Variants in SPIDR observed in about 807,000 individuals in gnomAD.
The protein encoded by SPIDR is DNA repair-scaffolding protein.
SPIDR carries 93 observed loss-of-function variants against 104.6 expected under a neutral mutation model. The ratio of observed to expected loss-of-function variants is 0.89; its 90% CI spans 0.75 to 1.06. The LOEUF (loss-of-function observed/expected upper bound fraction) is 1.06. SPIDR is among the 50% of genes least tolerant of loss of function. The pLI is 0.00. For synonymous variants in SPIDR, 431 were observed against 416.9 expected (o/e 1.03, Z -0.41); for missense variants, 1,154 against 1,111.2 (o/e 1.04, Z -0.55).
chr8:47,685,752 A>G (rs1042268953), intron 11 of SPIDR, among the ~76,000 whole-genome samples: 2 of 151,996 alleles, frequency 1.3e-5, no homozygotes, highest in African/African-American at 4.8e-5. Context: ...ACGGGGTTTC[A>G]CCATGTTGCC....
intron 7 of SPIDR, among the ~76,000 whole-genome samples, chr8:47,416,019 G>A (rs2064216792): frequency 3.3e-5 from 5 of 152,198 alleles, no homozygotes; most frequent in Admixed American, 3.3e-4. Context: ...ACCAAGGCCG[G>A]CAGATCACAA....
At chr8:47,342,757 A>G (rs181776127) in intron 5 of SPIDR, among the ~76,000 whole-genome samples, 1 of 152,250 alleles carries the variant, frequency 6.6e-6, no homozygotes, top group East Asian at 1.9e-4. Context: ...TTTAGTGCAG[A>G]TACCTCTCTT....
intron 8 of SPIDR, among the ~76,000 whole-genome samples, chr8:47,444,536 G>T (rs1163211693): frequency 2.6e-5 from 4 of 152,166 alleles, no homozygotes; most frequent in African/African-American, 9.7e-5. Context: ...TCACTACTTA[G>T]TATTCCACTA....
intron 5 of SPIDR, among the ~76,000 whole-genome samples, chr8:47,312,547 A>G (rs1374747089): frequency 6.6e-6 from 1 of 151,738 alleles, no homozygotes; most frequent in Non-Finnish European, 1.5e-5. Flanking sequence ...CATATCCTTC[A>G]CCCACTTTTT....
At chr8:47,506,905 T>C (rs2081571856) in intron 8 of SPIDR, among the ~76,000 whole-genome samples, 1 of 152,166 alleles carries the variant, frequency 6.6e-6, no homozygotes, top group Non-Finnish European at 1.5e-5. Context: ...TCCACTGTGT[T>C]GGGAAATAGC....
intron 14 of SPIDR, among the ~76,000 whole-genome samples, chr8:47,702,381 T>G (rs2080419541): frequency 6.6e-6 from 1 of 151,978 alleles, no homozygotes; most frequent in African/African-American, 2.4e-5. Flanking sequence ...CTTAGGCAGG[T>G]TGAAGAAAGG....
chr8:47,271,070 A>G (rs1282609090), intron 1 of SPIDR, among the ~76,000 whole-genome samples: 2 of 152,178 alleles, frequency 1.3e-5, no homozygotes, highest in Non-Finnish European at 2.9e-5. Flanking sequence ...TCTGTCAAGA[A>G]TGCAGCTGTT....
intron 5 of SPIDR, among the ~76,000 whole-genome samples, chr8:47,319,974 A>C (rs1181624586): frequency 6.6e-6 from 1 of 151,936 alleles, no homozygotes; most frequent in Non-Finnish European, 1.5e-5. Flanking sequence ...TTATAGCACT[A>C]AATGCCCACA....
At chr8:47,446,813 G>A (rs1259164723) in intron 8 of SPIDR, among the ~76,000 whole-genome samples, 1 of 152,026 alleles carries the variant, frequency 6.6e-6, no homozygotes, top group Non-Finnish European at 1.5e-5. Flanking sequence ...TCTGGAACTC[G>A]TGACCTCGTG....
At chr8:47,351,739 T>C (rs2053540328) in intron 5 of SPIDR, among the ~76,000 whole-genome samples, 1 of 152,186 alleles carries the variant, frequency 6.6e-6, no homozygotes, top group Non-Finnish European at 1.5e-5. Flanking sequence ...AATGAAGTGA[T>C]ACGTAGGCAT....
At chr8:47,408,426 C>CTCT (rs2063051483) in intron 7 of SPIDR, among the ~76,000 whole-genome samples, 1 of 152,144 alleles carries the variant, frequency 6.6e-6, no homozygotes, top group African/African-American at 2.4e-5. Context: ...TGCCCAGCTC[C>CTCT]TCTTAGCAAA....
At chr8:47,600,344 C>T (rs999372193) in intron 10 of SPIDR, among the ~76,000 whole-genome samples, 1 of 152,044 alleles carries the variant, frequency 6.6e-6, no homozygotes. Flanking sequence ...GAGAGCAAGA[C>T]CCCATCTCTA....
At position 47,367,611 on chromosome 8, in the gene SPIDR, T is replaced by C. The variant is rs1251471538; in HGVS notation, c.526-28765T>C. On this transcript the variant is annotated intron_variant, in intron 5 of 19. Coordinates refer to ENST00000297423, the MANE Select transcript of SPIDR (RefSeq NM_001080394.4). ...ACTCACAAATTTAAGACAGTGGGAA[T>C]ATGGGACTAGAAAGAAGTTAAATGG... is the stretch of plus-strand genomic sequence containing the variant. Among the ~76,000 whole-genome samples the C allele has an allele frequency of 3.2e-4, 49 of 152,210 alleles. 1 individual carries two copies. Among genetic ancestry groups the C allele is most frequent in the Admixed American group, 3.2e-3 (49 of 15,274 alleles).
At chr8:47,288,950 G>T (rs1294803747) in intron 3 of SPIDR, among the ~76,000 whole-genome samples, 6 of 152,196 alleles carry the variant, frequency 3.9e-5, no homozygotes, top group African/African-American at 1.4e-4. Flanking sequence ...TATATTGTTA[G>T]TTTTTTTCAT....
intron 8 of SPIDR, among the ~76,000 whole-genome samples, chr8:47,569,875 A>G (rs986946111): frequency 1.3e-5 from 2 of 152,218 alleles, no homozygotes; most frequent in African/African-American, 4.8e-5. Context: ...AATTAAACCA[A>G]TTTTATTTAC....
chr8:47,371,828 A>G (rs1236406348), intron 5 of SPIDR, among the ~76,000 whole-genome samples: 1 of 152,222 alleles, frequency 6.6e-6, no homozygotes, highest in African/African-American at 2.4e-5. Flanking sequence ...CAGGTAAGAC[A>G]GAAATCTTCT....
intron 16 of SPIDR, 28 bp downstream of exon 16, chr8:47,713,669 G>A: frequency 6.2e-7 from 1 of 1,612,532 alleles, no homozygotes; most frequent in Non-Finnish European, 8.5e-7. Context: ...AGGAATTGGT[G>A]CTTATACTTT....
At chr8:47,557,850 G>A (rs2091499601) in intron 8 of SPIDR, among the ~76,000 whole-genome samples, 1 of 152,142 alleles carries the variant, frequency 6.6e-6, no homozygotes, top group East Asian at 1.9e-4. Context: ...TAATGCTTCT[G>A]TGTAGAAATG....
rs2038351926 is a variant in SPIDR at position 47,284,159 on chromosome 8, T to G, written c.256+65T>G. The G allele has an allele frequency of 5.7e-6, 8 of 1,394,552 alleles. No individual in the cohort carries two copies. The South Asian group carries it at 6.2e-5, about 11-fold the overall frequency. The allele number at this position is 1,394,552 out of a possible 1,614,324, so 86.4% of individuals were successfully genotyped here. On this transcript the variant is annotated intron_variant, in intron 3 of 19. Transcript: ENST00000297423. ...ACTAATAAATCCTTCTGTGATTATTTTAAAAATTTGCTGTTTTAAAAAAGT... is the reference window on the plus strand; with the variant it reads ...ACTAATAAATCCTTCTGTGATTATTGTAAAAATTTGCTGTTTTAAAAAAGT...
Sources: gnomAD v4.1 joint callset for allele counts (sites outside exome capture counted in the v4.1 genomes callset) on GRCh38, gnomAD v4.1.1 for gene constraint, MANE v1.5 for transcripts, NCBI Gene and HGNC (gene_info 2026-07-23, HGNC 2026-07-21) for gene names.